Variants in EPHA6 observed in about 807,000 individuals in gnomAD.
EPHA6 encodes ephrin type-A receptor 6.
EPHA6 carries 50 observed loss-of-function variants against 112.0 expected under a neutral mutation model. That is an observed-to-expected ratio of 0.45 (90% CI 0.36 to 0.56). EPHA6 has a LOEUF of 0.56. Ranked by LOEUF, EPHA6 falls within the 20% of genes least tolerant of loss-of-function variation. EPHA6 has a pLI of 0.00. For synonymous variants in EPHA6, 529 were observed against 490.7 expected (o/e 1.08, Z -1.03); for missense variants, 1,280 against 1,417.4 (o/e 0.90, Z 1.56).
chr3:97,740,156 C>T (rs2035438674), intron 16 of EPHA6, among the ~76,000 whole-genome samples: 1 of 152,132 alleles, frequency 6.6e-6, no homozygotes. Flanking sequence ...CCTCCCCCAC[C>T]CTCACCCACA....
At chr3:96,873,157 C>T (rs1027085491) in intron 2 of EPHA6, among the ~76,000 whole-genome samples, 8 of 151,946 alleles carry the variant, frequency 5.3e-5, no homozygotes, top group South Asian at 4.2e-4. Context: ...CCTAGCTACT[C>T]AGGAGGCTGA....
chr3:97,199,682 A>C (rs1290332689), intron 3 of EPHA6, among the ~76,000 whole-genome samples: 1 of 152,182 alleles, frequency 6.6e-6, no homozygotes, highest in Non-Finnish European at 1.5e-5. Context: ...TATTGTAACC[A>C]AGCTCTCAAA....
At chr3:97,632,949 C>T (rs1236200013) in intron 13 of EPHA6, among the ~76,000 whole-genome samples, 1 of 152,056 alleles carries the variant, frequency 6.6e-6, no homozygotes, top group Non-Finnish European at 1.5e-5. Flanking sequence ...CACTCAGATC[C>T]TATGTTTGTC....
intron 4 of EPHA6, among the ~76,000 whole-genome samples, chr3:97,229,248 T>G (rs534278012): frequency 5.3e-5 from 8 of 152,310 alleles, no homozygotes; most frequent in African/African-American, 1.4e-4. Flanking sequence ...GTCTTTGGTT[T>G]TCATTGCATT....
At chr3:97,337,576 T>C (rs2083114221) in intron 5 of EPHA6, among the ~76,000 whole-genome samples, 2 of 152,246 alleles carry the variant, frequency 1.3e-5, no homozygotes, top group South Asian at 2.1e-4. Context: ...CAAAGCAATA[T>C]CCATTGCCAC....
In EPHA6 at chr3:97,755,879, C is replaced by T. The variant is rs1040432753; in HGVS notation, c.*7178C>T. ...CAAAATCATGATAGGGAGAAGAATG[C>T]TAATTTGTAAAGATAGGCAAACACT... On this transcript the variant is annotated 3_prime_UTR_variant, in exon 18 of 18. Coordinates refer to ENST00000389672, the MANE Select transcript of EPHA6 (RefSeq NM_001080448.3). 2.6e-5 allele frequency among the ~76,000 whole-genome samples: 4 copies of T among 151,954 alleles called. No homozygotes were observed. Among genetic ancestry groups the T allele is most frequent in the African/African-American group, 9.7e-5 (4 of 41,424 alleles).
chr3:97,217,843 C>T (rs1047910798), intron 3 of EPHA6, among the ~76,000 whole-genome samples: 1 of 152,096 alleles, frequency 6.6e-6, no homozygotes, highest in African/African-American at 2.4e-5. Flanking sequence ...AAATTAAATG[C>T]TAATCTTAGT....
intron 3 of EPHA6, among the ~76,000 whole-genome samples, chr3:97,023,661 T>TA (rs1179980091): frequency 2.0e-5 from 3 of 147,756 alleles, no homozygotes; most frequent in Admixed American, 6.7e-5. Context: ...AATGTTAAAT[T>TA]TTTTTTTTTT....
intron 3 of EPHA6, among the ~76,000 whole-genome samples, chr3:97,187,313 C>T (rs184106914): frequency 4.8e-4 from 73 of 152,136 alleles, no homozygotes; most frequent in African/African-American, 1.7e-3. Flanking sequence ...CACGGTGGCT[C>T]ACGCCTGTAT....
intron 3 of EPHA6, among the ~76,000 whole-genome samples, chr3:97,171,248 A>G (rs955697647): frequency 1.3e-5 from 2 of 152,190 alleles, no homozygotes; most frequent in Non-Finnish European, 2.9e-5. Context: ...AACATTAAGT[A>G]TAAACATTTA....
At chr3:96,979,783 G>A (rs1440339154) in intron 2 of EPHA6, among the ~76,000 whole-genome samples, 1 of 152,096 alleles carries the variant, frequency 6.6e-6, no homozygotes, top group African/African-American at 2.4e-5. Flanking sequence ...GTTTTGATTT[G>A]CATTTCTCTG....
At chr3:97,456,023 G>T (rs937862346) in intron 7 of EPHA6, among the ~76,000 whole-genome samples, 9 of 149,570 alleles carry the variant, frequency 6.0e-5, no homozygotes, top group Non-Finnish European at 8.8e-5. Context: ...CTATTAACAG[G>T]TACTTAGATG....
intron 5 of EPHA6, among the ~76,000 whole-genome samples, chr3:97,326,916 G>A (rs949363129): frequency 6.6e-6 from 1 of 152,028 alleles, no homozygotes; most frequent in Non-Finnish European, 1.5e-5. Flanking sequence ...GCACAATATT[G>A]TGTAGCAAAA....
intron 3 of EPHA6, among the ~76,000 whole-genome samples, chr3:97,223,677 C>A (rs2078269302): frequency 6.6e-6 from 1 of 152,214 alleles, no homozygotes; most frequent in South Asian, 2.1e-4. Flanking sequence ...CAGTCTTATA[C>A]ATGTTTTAAG....
At chr3:97,084,138 GCACA>G (rs373106924) in intron 3 of EPHA6, among the ~76,000 whole-genome samples, 57 of 119,550 alleles carry the variant, frequency 4.8e-4, no homozygotes, top group African/African-American at 1.4e-3. Flanking sequence ...ATATATCCAT[GCACA>G]CACACACACA....
intron 3 of EPHA6, among the ~76,000 whole-genome samples, chr3:96,998,364 C>T (rs1195274945): frequency 6.6e-6 from 1 of 151,750 alleles, no homozygotes; most frequent in Non-Finnish European, 1.5e-5. Flanking sequence ...GTTTTTGTAC[C>T]TTTCATTTTG....
intron 5 of EPHA6, among the ~76,000 whole-genome samples, chr3:97,369,877 T>C (rs777781185): frequency 4.6e-5 from 7 of 152,230 alleles, no homozygotes; most frequent in Non-Finnish European, 8.8e-5. Flanking sequence ...AACAGCAATC[T>C]ACCAGATACA....
At chr3:97,345,287 T>C (rs894382497) in intron 5 of EPHA6, among the ~76,000 whole-genome samples, 1 of 152,114 alleles carries the variant, frequency 6.6e-6, no homozygotes, top group African/African-American at 2.4e-5. Context: ...TGCTTAGAAA[T>C]TGACATCATG....
intron 6 of EPHA6, among the ~76,000 whole-genome samples, chr3:97,411,874 A>C (rs2107126134): frequency 6.6e-6 from 1 of 152,232 alleles, no homozygotes; most frequent in African/African-American, 2.4e-5. Context: ...CAGTGGTAAT[A>C]AACTCAGGGG....
Sources: gnomAD v4.1 joint callset for allele counts (sites outside exome capture counted in the v4.1 genomes callset) on GRCh38, gnomAD v4.1.1 for gene constraint, MANE v1.5 for transcripts, NCBI Gene and HGNC (gene_info 2026-07-23, HGNC 2026-07-21) for gene names.